WWOX: variants seen among roughly 807,000 people sequenced by gnomAD.
The protein encoded by WWOX is WW domain containing oxidoreductase.
WWOX carries 69 observed loss-of-function variants against 46.2 expected under a neutral mutation model. That is an observed-to-expected ratio of 1.49 (90% CI 1.23 to 1.82). The LOEUF is 1.82. Ranked by LOEUF, WWOX falls within the 40% of genes most tolerant of loss-of-function variation. The probability of loss-of-function intolerance (pLI) is 0.00; values close to 1 mark genes in which losing one functional copy is unlikely to be tolerated. For missense variants in WWOX, 919 were observed against 542.6 expected (o/e 1.69, Z -6.89); for synonymous variants, 359 against 202.6 (o/e 1.77, Z -6.56).
chr16:79,048,360 A>C lies in WWOX; in HGVS notation c.1057-163248A>C, dbSNP rs374006697. Among the ~76,000 whole-genome samples, 119 of 151,804 alleles carry C rather than the reference A, an allele frequency of 7.8e-4. 1 individual carries two copies. In the South Asian group the frequency reaches 0.011, roughly 14 times the overall value. ...CACATGCCGGTGCACCTGGACTGCC[A>C]CTCTACCTGTTTACAAATTACCCCC... is the stretch of plus-strand genomic sequence containing the variant. On this transcript the variant is annotated intron_variant, in intron 8 of 8. Coordinates refer to ENST00000566780, the MANE Select transcript of WWOX (RefSeq NM_016373.4).
chr16:78,980,002 C>T (rs1404635766), intron 8 of WWOX, among the ~76,000 whole-genome samples: 2 of 152,072 alleles, frequency 1.3e-5, no homozygotes, highest in African/African-American at 2.4e-5. Flanking sequence ...TTGGTGGGCA[C>T]CTGTACTTCC....
At chr16:78,637,696 G>A (rs553705500) in intron 8 of WWOX, among the ~76,000 whole-genome samples, 9 of 152,216 alleles carry the variant, frequency 5.9e-5, no homozygotes, top group African/African-American at 9.6e-5. Context: ...AGCTAAGCGC[G>A]GAGTAGGTGC....
Position 78,327,154 on chromosome 16 carries a change from A to G in WWOX, c.517-59706A>G, listed in dbSNP as rs148985574. On this transcript the variant is annotated intron_variant, in intron 5 of 8. Coordinates refer to ENST00000566780, the MANE Select transcript of WWOX (RefSeq NM_016373.4). ...CTGAAGAATCTGGTGAAGGCCATCCAAGCCCAGAGTTCATTTAAGTGGCAG... is the reference window on the plus strand; with the variant it reads ...CTGAAGAATCTGGTGAAGGCCATCCGAGCCCAGAGTTCATTTAAGTGGCAG... Among the ~76,000 whole-genome samples, 806 of 152,298 alleles carry G rather than the reference A, an allele frequency of 5.3e-3. 11 individuals are homozygous for G. Among genetic ancestry groups the G allele is most frequent in the African/African-American group, 0.018 (762 of 41,564 alleles).
chr16:79,155,076 A>C (rs1022548332), intron 8 of WWOX, among the ~76,000 whole-genome samples: 1 of 152,204 alleles, frequency 6.6e-6, no homozygotes, highest in African/African-American at 2.4e-5. Context: ...GGCACTGGCA[A>C]GCTTTTGCTT....
chr16:78,709,412 C>G (rs1487694365), intron 8 of WWOX, among the ~76,000 whole-genome samples: 1 of 152,116 alleles, frequency 6.6e-6, no homozygotes, highest in Non-Finnish European at 1.5e-5. Context: ...GGTAGCGGGC[C>G]CAGCCTGTTG....
intron 5 of WWOX, among the ~76,000 whole-genome samples, chr16:78,300,263 T>C (rs904859820): frequency 6.6e-6 from 1 of 152,136 alleles, no homozygotes; most frequent in Non-Finnish European, 1.5e-5. Flanking sequence ...TGAGGCTAGG[T>C]TAAATAGTTT....
Position 78,424,786 on chromosome 16 carries a change from C to A in WWOX, c.606-84C>A, listed in dbSNP as rs1210355708. ...TCCTTGGTTGTAGTGTTTATGTCCA[C>A]ATCACGTGGATTCCCGAAGGAGCAT... On this transcript the variant is annotated intron_variant, in intron 6 of 8. Transcript: ENST00000566780. 2.0e-6 allele frequency: 3 copies of A among 1,475,658 alleles called. No homozygotes were observed. In the African/African-American group the frequency reaches 4.2e-5, roughly 21 times the overall value. 91.4% of individuals were successfully genotyped at this position (1,475,658 alleles called of 1,614,324 possible). A position where few individuals can be genotyped will look rare whatever the true frequency, so the allele number is the denominator to read the frequency against.
At chr16:78,766,445 G>A (rs868279296) in intron 8 of WWOX, among the ~76,000 whole-genome samples, 2 of 152,188 alleles carry the variant, frequency 1.3e-5, no homozygotes, top group Admixed American at 6.5e-5. Context: ...AAATTTAGCC[G>A]GCTGTCGTGT....
At chr16:79,146,198 C>G (rs1251169276) in intron 8 of WWOX, among the ~76,000 whole-genome samples, 1 of 152,150 alleles carries the variant, frequency 6.6e-6, no homozygotes, top group Non-Finnish European at 1.5e-5. Context: ...GATTATGTTA[C>G]CTTGAATATA....
chr16:78,462,819 G>A (rs535530508), intron 8 of WWOX, among the ~76,000 whole-genome samples: 2 of 152,310 alleles, frequency 1.3e-5, no homozygotes, highest in South Asian at 2.1e-4. Context: ...ACGAGGCAGC[G>A]GGCACTGGGG....
At chr16:78,669,717 A>G (rs2047416113) in intron 8 of WWOX, among the ~76,000 whole-genome samples, 2 of 152,216 alleles carry the variant, frequency 1.3e-5, no homozygotes, top group African/African-American at 4.8e-5. Context: ...AGTTCATTGG[A>G]TAATTGCCTT....
intron 5 of WWOX, among the ~76,000 whole-genome samples, chr16:78,268,334 T>A (rs2151843747): frequency 1.3e-5 from 2 of 152,320 alleles, no homozygotes; most frequent in East Asian, 3.9e-4. Flanking sequence ...ATCTCTGCAA[T>A]GTGTTTTGCT....
At chr16:78,676,167 G>A (rs1052764172) in intron 8 of WWOX, among the ~76,000 whole-genome samples, 7 of 151,908 alleles carry the variant, frequency 4.6e-5, no homozygotes, top group Admixed American at 1.3e-4. Flanking sequence ...TGAGCGCCGT[G>A]TCTTCTCTAT....
chr16:78,843,471 C>A (rs969037903), intron 8 of WWOX, among the ~76,000 whole-genome samples: 2 of 150,066 alleles, frequency 1.3e-5, no homozygotes, highest in Non-Finnish European at 3.0e-5. Flanking sequence ...GTCAGCTTTG[C>A]CTAAGCTTTG....
chr16:78,388,967 C>T (rs1023432409), intron 6 of WWOX, among the ~76,000 whole-genome samples: 1 of 104,138 alleles, frequency 9.6e-6, no homozygotes, highest in East Asian at 2.1e-4. Context: ...AAAACTCTGT[C>T]TCAAAAAAAA....
chr16:78,753,801 C>CAAAAA (rs869066028), intron 8 of WWOX, among the ~76,000 whole-genome samples: 4 of 29,140 alleles, frequency 1.4e-4, no homozygotes, highest in African/African-American at 1.4e-4. Context: ...GACCCTATAT[C>CAAAAA]AAAAAAAAAA....
intron 8 of WWOX, among the ~76,000 whole-genome samples, chr16:78,488,301 G>C (rs1442611429): frequency 6.6e-6 from 1 of 152,116 alleles, no homozygotes; most frequent in African/African-American, 2.4e-5. Flanking sequence ...TCCAAGTCCT[G>C]TCTCAGCAGT....
At chr16:79,077,421 T>G (rs532220235) in intron 8 of WWOX, 289 of 152,264 alleles carry the variant, frequency 1.9e-3, no homozygotes, top group African/African-American at 6.4e-3. Context: ...AGACCTGATG[T>G]GAATGGTATT....
chr16:78,944,301 C>T (rs572647373), intron 8 of WWOX, among the ~76,000 whole-genome samples: 1 of 152,252 alleles, frequency 6.6e-6, no homozygotes, highest in South Asian at 2.1e-4. Flanking sequence ...GCCTCTACCA[C>T]ATTGAATTGG....
Sources: allele counts gnomAD v4.1 joint callset (sites outside exome capture counted in the v4.1 genomes callset), GRCh38; gene constraint gnomAD v4.1.1; transcripts MANE v1.5; gene names NCBI Gene and HGNC (gene_info 2026-07-23, HGNC 2026-07-21).